Variants in PCDH19 observed in about 807,000 individuals in gnomAD.
The protein encoded by PCDH19 is protocadherin 19.
A neutral mutation model predicts 46.2 loss-of-function variants in PCDH19; 6 were observed. The observed-to-expected ratio is 0.13, with a 90% CI of 0.07 to 0.26. The LOEUF is 0.26. Among genes scored for constraint, PCDH19 ranks in the 10% least tolerant of loss-of-function variants. The pLI, the probability that PCDH19 is intolerant of heterozygous loss-of-function variation, is 1.00. For synonymous variants in PCDH19, 481 were observed against 415.7 expected (o/e 1.16, Z -1.91); for missense variants, 740 against 972.3 (o/e 0.76, Z 3.18).
intron 4 of PCDH19, among the ~76,000 whole-genome samples, chrX:100,345,313 C>A (rs2147487956): frequency 8.9e-6 from 1 of 111,772 alleles, no homozygotes; most frequent in East Asian, 2.8e-4. Context: ...TCTATATCTT[C>A]TGTAAACAAT....
intron 3 of PCDH19, 78 bp downstream of exon 3, chrX:100,402,446 C>T: frequency 6.9e-6 from 6 of 873,661 alleles, no homozygotes; most frequent in Non-Finnish European, 1.0e-5. Flanking sequence ...TGTGCCAGCA[C>T]AGCAGCTTAT....
rs1333147612 is a variant in PCDH19 at position 100,338,212 on chromosome X, G to A, written c.2848+3691C>T. Among the ~76,000 whole-genome samples, 27 of 108,269 alleles carry A rather than the reference G, an allele frequency of 2.5e-4. No homozygotes were observed. The South Asian group carries it at 5.7e-3, about 23-fold the overall frequency. 94.0% of individuals were successfully genotyped at this position (108,269 alleles called of 115,157 possible). On this transcript the variant is annotated intron_variant, in intron 5 of 5. Transcript: ENST00000373034. ...AAAAAATTAGCGGGGCGTAGTGGCG[G>A]GCGCCTGTAGTCCCAGCTACTTGGG...
At chrX:100,320,551 A>G (rs1229068598) in intron 5 of PCDH19, among the ~76,000 whole-genome samples, 1 of 111,995 alleles carries the variant, frequency 8.9e-6, no homozygotes, top group Non-Finnish European at 1.9e-5. Context: ...TTTTTGAGAA[A>G]TGACAATCAC....
chrX:100,338,606 T>TGATTCTGG (rs1484396221), intron 5 of PCDH19, among the ~76,000 whole-genome samples: 1 of 110,007 alleles, frequency 9.1e-6, no homozygotes, highest in African/African-American at 3.3e-5. Flanking sequence ...TTAAATATAG[T>TGATTCTGG]GATTCTGGGT....
At chrX:100,321,793 TTTTTTTTTTTTTC>T in intron 5 of PCDH19, among the ~76,000 whole-genome samples, 1 of 18,074 alleles carries the variant, frequency 5.5e-5, no homozygotes, top group Admixed American at 1.0e-3. Flanking sequence ...TTTTTTTTTT[TTTTTTTTTTTTTC>T]TGAGACAGAG....
At chrX:100,361,799 A>AGAAT (rs1353664898) in intron 3 of PCDH19, among the ~76,000 whole-genome samples, 1 of 110,954 alleles carries the variant, frequency 9.0e-6, no homozygotes, top group African/African-American at 3.3e-5. Flanking sequence ...ACTAGGCCAC[A>AGAAT]CCTCATTAGG....
chrX:100,379,080 GA>G (rs1233893449), intron 3 of PCDH19, among the ~76,000 whole-genome samples: 1 of 110,970 alleles, frequency 9.0e-6, no homozygotes, highest in Non-Finnish European at 1.9e-5. Context: ...TCAGTAAGGG[GA>G]AAATTCAATG....
intron 3 of PCDH19, among the ~76,000 whole-genome samples, chrX:100,390,591 C>T (rs1175373372): frequency 9.0e-6 from 1 of 111,150 alleles, no homozygotes; most frequent in Non-Finnish European, 1.9e-5. Flanking sequence ...AAATAAATTG[C>T]TTTGTTACAG....
chrX:100,315,998 T>C (rs1389033684), intron 5 of PCDH19, among the ~76,000 whole-genome samples: 1 of 111,952 alleles, frequency 8.9e-6, no homozygotes, highest in Middle Eastern at 4.2e-3. Flanking sequence ...GGCATGTTTC[T>C]GCCTCTTCAG....
intron 3 of PCDH19, among the ~76,000 whole-genome samples, chrX:100,374,706 G>A (rs990667060): frequency 3.6e-5 from 4 of 111,681 alleles, no homozygotes; most frequent in Non-Finnish European, 5.6e-5. Flanking sequence ...TTGGGAGGCC[G>A]AGGCTGGCGG....
chrX:100,333,193 GAAAGAAAGAA>G (rs1925966529), intron 5 of PCDH19, among the ~76,000 whole-genome samples: 4 of 60,088 alleles, frequency 6.7e-5, no homozygotes, highest in African/African-American at 2.5e-4. Context: ...GAGAAAGAAA[GAAAGAAAGAA>G]AGAAAGAAAG....
At chrX:100,364,592 T>A (rs2147504183) in intron 3 of PCDH19, among the ~76,000 whole-genome samples, 1 of 111,419 alleles carries the variant, frequency 9.0e-6, no homozygotes, top group East Asian at 2.8e-4. Context: ...GGAATATACT[T>A]ACCTCTATCA....
intron 3 of PCDH19, among the ~76,000 whole-genome samples, chrX:100,392,339 C>T (rs919706659): frequency 1.8e-5 from 2 of 112,158 alleles, no homozygotes; most frequent in Admixed American, 9.4e-5. Flanking sequence ...GAAGTGTAAG[C>T]ACACACATGC....
At chrX:100,371,801 G>T (rs775954606) in intron 3 of PCDH19, among the ~76,000 whole-genome samples, 5 of 108,986 alleles carry the variant, frequency 4.6e-5, no homozygotes, top group Non-Finnish European at 9.5e-5. Context: ...CTGGCACAAA[G>T]TGTTTATCAA....
Position 100,294,857 on chromosome X carries a change from G to C in PCDH19, c.*1420C>G, listed in dbSNP as rs1371919814. On this transcript the variant is annotated 3_prime_UTR_variant, in exon 6 of 6. Transcript: ENST00000373034. ...AACAGAAAAAAAGGATCTACAGTGT[G>C]TTAATTTAAAAAGGGTGTATTCCTA... is the stretch of plus-strand genomic sequence containing the variant. 1 of 112,487 alleles carries C rather than the reference G, an allele frequency of 8.9e-6. No individual in the cohort carries two copies. The highest frequency in any genetic ancestry group is 1.9e-5 in the Non-Finnish European group (1 of 53,224). The allele number at this position is 112,487 out of a possible 1,213,427, so 9.3% of individuals were successfully genotyped here. A position where few individuals can be genotyped will look rare whatever the true frequency, so the allele number is the denominator to read the frequency against.
At chrX:100,327,523 G>A (rs1925731865) in intron 5 of PCDH19, among the ~76,000 whole-genome samples, 1 of 111,818 alleles carries the variant, frequency 8.9e-6, no homozygotes, top group Non-Finnish European at 1.9e-5. Context: ...CATATTAGTT[G>A]GAGCCTGAAG....
intron 3 of PCDH19, among the ~76,000 whole-genome samples, chrX:100,381,824 G>A (rs780266863): frequency 8.9e-6 from 1 of 111,929 alleles, no homozygotes; most frequent in East Asian, 2.8e-4. Context: ...CAAGCAACTA[G>A]AAAGCTGTCG....
At chrX:100,302,906 T>C (rs16983428) in intron 5 of PCDH19, among the ~76,000 whole-genome samples, 28,453 of 111,000 alleles carry the variant, frequency 0.26, 3,291 homozygotes, top group Middle Eastern at 0.49. Context: ...GGAAGAATAT[T>C]GGTCAACGCC....
At chrX:100,363,228 C>T (rs758885955) in intron 3 of PCDH19, among the ~76,000 whole-genome samples, 21 of 108,389 alleles carry the variant, frequency 1.9e-4, no homozygotes, top group Non-Finnish European at 3.4e-4. Flanking sequence ...CGCTTGAACC[C>T]GGGAGGCAGA....
Sources: allele counts gnomAD v4.1 joint callset (sites outside exome capture counted in the v4.1 genomes callset), GRCh38; gene constraint gnomAD v4.1.1; transcripts MANE v1.5; gene names NCBI Gene and HGNC (gene_info 2026-07-23, HGNC 2026-07-21).